TFCP2L1: variants seen among roughly 807,000 people sequenced by gnomAD.
TFCP2L1 encodes the protein transcription factor CP2 like 1, also known as transcription factor CP2-like protein 1.
A neutral mutation model predicts 72.2 loss-of-function variants in TFCP2L1; 12 were observed. The observed-to-expected ratio is 0.17, with a 90% CI of 0.11 to 0.27. The LOEUF (loss-of-function observed/expected upper bound fraction) is 0.27. Ranked by LOEUF, TFCP2L1 falls within the 10% of genes least tolerant of loss-of-function variation. The pLI, the probability that TFCP2L1 is intolerant of heterozygous loss-of-function variation, is 1.00. For synonymous variants in TFCP2L1, 260 were observed against 251.0 expected (o/e 1.04, Z -0.34); for missense variants, 488 against 624.6 (o/e 0.78, Z 2.33).
intron 2 of TFCP2L1, among the ~76,000 whole-genome samples, chr2:121,263,457 GTC>G (rs1363237940): frequency 1.0e-5 from 1 of 97,256 alleles, no homozygotes; most frequent in Non-Finnish European, 1.9e-5. Flanking sequence ...GATATCAACT[GTC>G]TGTTTTTGGC....
rs1036419210 is a variant in TFCP2L1, at chr2:121,222,056, T to G, written c.*2285A>C. ...GGCCCGTAAGCACAGGAAAAGACAC[T>G]CAGCATCAGTTGCCATCAGGGGAAT... On this transcript the variant is annotated 3_prime_UTR_variant, in exon 15 of 15. Transcript: ENST00000263707. 3.9e-5 allele frequency: 6 copies of G among 152,198 alleles called. No homozygotes were observed. The highest frequency in any genetic ancestry group is 1.2e-4 in the African/African-American group (5 of 41,526). The allele number at this position is 152,198 out of a possible 1,614,324, so 9.4% of individuals were successfully genotyped here.
chr2:121,280,190 T>C (rs531602092), intron 2 of TFCP2L1, among the ~76,000 whole-genome samples: 1 of 150,432 alleles, frequency 6.6e-6, no homozygotes, highest in African/African-American at 2.5e-5. Context: ...ACACTGAGGT[T>C]CAGAGAAAAA....
At chr2:121,227,343 T>C (rs1479903623) in intron 13 of TFCP2L1, among the ~76,000 whole-genome samples, 1 of 152,220 alleles carries the variant, frequency 6.6e-6, no homozygotes, top group Non-Finnish European at 1.5e-5. Context: ...ATTTTTTCCA[T>C]ATTTATACTG....
rs932110645 is a variant in TFCP2L1, at chr2:121,221,436, A to G, written c.*2905T>C. The stretch of plus-strand genomic sequence containing the variant: ...AAAAGGTAAGCTTCCCAACGACACC[A>G]TGTCCCAGGAAAGAAGATCCAGTAA... On this transcript the variant is annotated 3_prime_UTR_variant, in exon 15 of 15. Coordinates refer to ENST00000263707, the MANE Select transcript of TFCP2L1 (RefSeq NM_014553.3). The G allele has an allele frequency of 6.6e-6, 1 of 152,236 alleles. No individual in the cohort carries two copies. Among genetic ancestry groups the G allele is most frequent in the East Asian group, 1.9e-4 (1 of 5,182 alleles). 9.4% of individuals were successfully genotyped at this position (152,236 alleles called of 1,614,324 possible).
At position 121,224,116 on chromosome 2, in the gene TFCP2L1, C is replaced by CG; in HGVS notation, c.*224_*225insC. On this transcript the variant is annotated 3_prime_UTR_variant, in exon 15 of 15. Transcript: ENST00000263707. ...AAAAGAACAAGGAACCATTCAAAAT[C>CG]TGGAGGCCAAGAGGAAGGGAGAAAG... The CG allele has an allele frequency of 6.8e-6, 4 of 590,508 alleles. No individual in the cohort carries two copies. The highest frequency in any genetic ancestry group is 1.2e-5 in the Non-Finnish European group (4 of 331,830). The allele number at this position is 590,508 out of a possible 1,614,324, so 36.6% of individuals were successfully genotyped here.
chr2:121,231,838 C>T lies in TFCP2L1; in HGVS notation c.1329G>A (p.Val443=), dbSNP rs1686149253. Residue 443 remains valine (V), a synonymous_variant, in exon 13 of 15, where the codon GTG becomes GTA. Transcript: ENST00000263707. ...YRQGPTGIHV[V]VSNEMVQNFQ... is the part of the protein sequence containing the mutation. ...CAGCAGCCCTCACCTCGTTGCTCAC[C>T]ACCACATGGATGCCCGTGGGGCCCT... 3.1e-6 allele frequency: 5 copies of T among 1,613,134 alleles called. No individual in the cohort carries two copies. The highest frequency in any genetic ancestry group is 1.1e-5 in the South Asian group (1 of 90,990).
At chr2:121,269,463 A>C (rs1441846583) in intron 2 of TFCP2L1, among the ~76,000 whole-genome samples, 4 of 151,162 alleles carry the variant, frequency 2.6e-5, no homozygotes, top group Non-Finnish European at 4.4e-5. Context: ...ACAACAACAA[A>C]AAAACTTTTA....
At chr2:121,244,041 C>A (rs1309929127) in intron 6 of TFCP2L1, among the ~76,000 whole-genome samples, 1 of 152,040 alleles carries the variant, frequency 6.6e-6, no homozygotes, top group African/African-American at 2.4e-5. Context: ...ACAGATCCAG[C>A]GTCCCGGGTA....
intron 8 of TFCP2L1, among the ~76,000 whole-genome samples, chr2:121,239,106 G>A (rs887423103): frequency 1.3e-5 from 2 of 152,168 alleles, no homozygotes; most frequent in African/African-American, 4.8e-5. Context: ...GTGTGGGACA[G>A]CAATGAAGCC....
At chr2:121,236,741 C>T (rs796658538) in intron 10 of TFCP2L1, among the ~76,000 whole-genome samples, 8 of 152,240 alleles carry the variant, frequency 5.3e-5, no homozygotes, top group African/African-American at 1.9e-4. Context: ...ACCTGGGTCC[C>T]CTGCTCTGTG....
chr2:121,238,814 C>T (rs1686303359), intron 8 of TFCP2L1, among the ~76,000 whole-genome samples: 1 of 152,042 alleles, frequency 6.6e-6, no homozygotes. Context: ...TGTGTCTACC[C>T]CCGCTTCCCT....
chr2:121,269,918 A>AAAAAATATATAT, intron 2 of TFCP2L1, among the ~76,000 whole-genome samples: 2 of 115,164 alleles, frequency 1.7e-5, no homozygotes, highest in African/African-American at 7.4e-5. Context: ...AAAAAAAAAA[A>AAAAAATATATAT]ATATATATAT....
chr2:121,226,182 A>C (rs112643359), intron 13 of TFCP2L1, among the ~76,000 whole-genome samples: 1 of 146,026 alleles, frequency 6.8e-6, no homozygotes, highest in Admixed American at 6.7e-5. Context: ...CCACTGCCAC[A>C]GTGTCTACGA....
At chr2:121,273,178 T>C (rs537112264) in intron 2 of TFCP2L1, among the ~76,000 whole-genome samples, 1 of 152,330 alleles carries the variant, frequency 6.6e-6, no homozygotes, top group East Asian at 1.9e-4. Flanking sequence ...AAGAGTTGTT[T>C]TGACAGAAAA....
At chr2:121,255,805 C>T (rs1260583272) in intron 2 of TFCP2L1, among the ~76,000 whole-genome samples, 4 of 151,706 alleles carry the variant, frequency 2.6e-5, no homozygotes, top group South Asian at 4.2e-4. Flanking sequence ...TACAGCGGCA[C>T]GATCTCGGCT....
chr2:121,285,192 G>T lies in TFCP2L1; in HGVS notation c.-83C>A. ...GCCGAGGACCCAGCGGCGGCTTCGC[G>T]CTCCGAACCCGCGGTGCCGGCCGGC... On this transcript the variant is annotated 5_prime_UTR_variant, in exon 1 of 15. Transcript: ENST00000263707. 3 of 1,223,864 alleles carry T rather than the reference G, an allele frequency of 2.5e-6. No individual in the cohort carries two copies. The highest frequency in any genetic ancestry group is 1.0e-6 in the Non-Finnish European group (1 of 956,128). 75.8% of individuals were successfully genotyped at this position (1,223,864 alleles called of 1,614,324 possible).
intron 2 of TFCP2L1, among the ~76,000 whole-genome samples, chr2:121,274,617 C>T (rs1687109851): frequency 6.6e-6 from 1 of 152,046 alleles, no homozygotes; most frequent in African/African-American, 2.4e-5. Flanking sequence ...ACTTCCAATC[C>T]CAAGCATTTA....
intron 13 of TFCP2L1, among the ~76,000 whole-genome samples, chr2:121,228,133 T>C (rs1686068062): frequency 6.6e-6 from 1 of 152,194 alleles, no homozygotes; most frequent in African/African-American, 2.4e-5. Flanking sequence ...CAAGGAGACT[T>C]TGGGGAATGA....
intron 2 of TFCP2L1, 84 bp downstream of exon 2, chr2:121,281,034 CAA>C: frequency 6.3e-7 from 1 of 1,580,106 alleles, no homozygotes. Context: ...CCCACCGTAA[CAA>C]AGTCACAAGG....
Sources: gnomAD v4.1 joint callset for allele counts (sites outside exome capture counted in the v4.1 genomes callset) on GRCh38, gnomAD v4.1.1 for gene constraint, MANE v1.5 for transcripts, NCBI Gene and HGNC (gene_info 2026-07-23, HGNC 2026-07-21) for gene names.